Variants in TAFA2 observed in about 807,000 individuals in gnomAD.
TAFA2 encodes the protein TAFA chemokine like family member 2.
Under a neutral mutation model 18.8 loss-of-function variants are expected in TAFA2, and 7 were observed. The ratio of observed to expected loss-of-function variants is 0.37; its 90% CI spans 0.21 to 0.70. The LOEUF is 0.70. Among genes scored for constraint, TAFA2 ranks in the 30% least tolerant of loss-of-function variants. TAFA2 has a pLI of 0.53. For missense variants in TAFA2, 122 were observed against 158.1 expected (o/e 0.77, Z 1.23); for synonymous variants, 60 against 54.2 (o/e 1.11, Z -0.47).
chr12:62,080,818 C>T (rs572591385), intron 1 of TAFA2, among the ~76,000 whole-genome samples: 1 of 152,100 alleles, frequency 6.6e-6, no homozygotes, highest in Non-Finnish European at 1.5e-5. Flanking sequence ...CTGTTAATGT[C>T]CATGAAAAGT....
chr12:61,901,239 G>GT (rs1176664365), intron 1 of TAFA2, among the ~76,000 whole-genome samples: 1 of 144,832 alleles, frequency 6.9e-6, no homozygotes, highest in Non-Finnish European at 1.5e-5. Flanking sequence ...TGCTTTCCAA[G>GT]TTTTAACTCT....
At chr12:62,018,829 C>A (rs1188609522) in intron 1 of TAFA2, among the ~76,000 whole-genome samples, 1 of 152,144 alleles carries the variant, frequency 6.6e-6, no homozygotes, top group Non-Finnish European at 1.5e-5. Context: ...CAAATGGGAT[C>A]TCATTAAACT....
At chr12:61,847,317 T>C (rs1873449030) in intron 2 of TAFA2, among the ~76,000 whole-genome samples, 1 of 152,218 alleles carries the variant, frequency 6.6e-6, no homozygotes, top group Non-Finnish European at 1.5e-5. Context: ...AGCATAATAA[T>C]CTATTCATTT....
At chr12:61,890,868 C>T (rs370344493) in intron 1 of TAFA2, among the ~76,000 whole-genome samples, 6 of 152,098 alleles carry the variant, frequency 3.9e-5, no homozygotes, top group Non-Finnish European at 8.8e-5. Flanking sequence ...TCCTCAACAT[C>T]GTAGCATAAG....
intron 4 of TAFA2, among the ~76,000 whole-genome samples, chr12:61,719,888 T>C (rs527564032): frequency 1.3e-5 from 2 of 152,332 alleles, no homozygotes; most frequent in African/African-American, 4.8e-5. Context: ...TCCATCCCTA[T>C]CATCTTCCAT....
chr12:62,193,632 T>A (rs1190103894), upstream of TAFA2, among the ~76,000 whole-genome samples: 3 of 152,246 alleles, frequency 2.0e-5, no homozygotes, highest in African/African-American at 7.2e-5. Flanking sequence ...TGGTCATTTT[T>A]ATAAAAAATA....
At chr12:62,050,641 A>G (rs1882028790) in intron 1 of TAFA2, among the ~76,000 whole-genome samples, 1 of 152,112 alleles carries the variant, frequency 6.6e-6, no homozygotes, top group Non-Finnish European at 1.5e-5. Flanking sequence ...GGTCATATCT[A>G]TACTTATTAG....
At chr12:62,171,859 T>C (rs1212299448) in intron 1 of TAFA2, among the ~76,000 whole-genome samples, 1 of 152,198 alleles carries the variant, frequency 6.6e-6, no homozygotes, top group Non-Finnish European at 1.5e-5. Flanking sequence ...TTAAAGAACT[T>C]GTTTCCTTCT....
intron 2 of TAFA2, among the ~76,000 whole-genome samples, chr12:61,809,025 T>C (rs927336512): frequency 4.0e-5 from 6 of 151,622 alleles, no homozygotes; most frequent in Non-Finnish European, 7.3e-5. Flanking sequence ...GACTTTTTTT[T>C]CTAAGTCTAG....
At chr12:61,900,544 C>T (rs992408717) in intron 1 of TAFA2, among the ~76,000 whole-genome samples, 1 of 152,144 alleles carries the variant, frequency 6.6e-6, no homozygotes, top group Non-Finnish European at 1.5e-5. Context: ...GAGGGGAAAG[C>T]AAACACGTCC....
At chr12:62,166,347 C>T (rs1188209720) in intron 1 of TAFA2, among the ~76,000 whole-genome samples, 2 of 152,164 alleles carry the variant, frequency 1.3e-5, no homozygotes, top group African/African-American at 4.8e-5. Flanking sequence ...TATGGAGAGA[C>T]ATTTGGCAAA....
chr12:62,177,884 T>C (rs1333312711), intron 1 of TAFA2, among the ~76,000 whole-genome samples: 3 of 151,712 alleles, frequency 2.0e-5, no homozygotes, highest in Non-Finnish European at 4.4e-5. Flanking sequence ...TTGCCAGTTC[T>C]CACCAGAATG....
At chr12:61,835,643 C>G (rs1427747305) in intron 2 of TAFA2, among the ~76,000 whole-genome samples, 1 of 151,800 alleles carries the variant, frequency 6.6e-6, no homozygotes, top group African/African-American at 2.4e-5. Flanking sequence ...GCTATTTTTG[C>G]TTCAATGAAC....
intron 1 of TAFA2, among the ~76,000 whole-genome samples, chr12:62,094,996 T>C (rs1031117593): frequency 1.3e-5 from 2 of 152,088 alleles, no homozygotes; most frequent in African/African-American, 4.8e-5. Context: ...TTCAGTTTTT[T>C]AAATGCTAAG....
chr12:62,158,479 C>T (rs551599179), intron 1 of TAFA2, among the ~76,000 whole-genome samples: 4 of 152,258 alleles, frequency 2.6e-5, no homozygotes, highest in Admixed American at 1.3e-4. Flanking sequence ...TTTATTAGCA[C>T]GTAAGAAGCT....
In TAFA2 at chr12:61,733,052, G is replaced by T. The variant is rs1868250206; in HGVS notation, c.384+20570C>A. On this transcript the variant is annotated intron_variant, in intron 4 of 4. Coordinates refer to ENST00000416284, the MANE Select transcript of TAFA2 (RefSeq NM_178539.5). ...CATGCCATGTCTTGGCTTTTAGGGG[G>T]TTCTGAAAGAAAGAAATAGATAAAA... is the stretch of plus-strand genomic sequence containing the variant. Among the ~76,000 whole-genome samples the T allele has an allele frequency of 5.9e-5, 9 of 151,960 alleles. No individual in the cohort carries two copies. The South Asian group carries it at 1.9e-3, about 31-fold the overall frequency.
chr12:62,075,461 C>T (rs1267621047), intron 1 of TAFA2, among the ~76,000 whole-genome samples: 2 of 152,172 alleles, frequency 1.3e-5, no homozygotes, highest in Non-Finnish European at 2.9e-5. Flanking sequence ...TTCCACCTCT[C>T]TTGCTTGAAT....
chr12:61,855,490 C>T (rs1385900673), intron 2 of TAFA2, among the ~76,000 whole-genome samples: 5 of 151,996 alleles, frequency 3.3e-5, no homozygotes, highest in East Asian at 1.9e-4. Flanking sequence ...TCCAGAACAA[C>T]AGGGGTGGGA....
At chr12:62,090,963 C>T (rs1868686655) in intron 1 of TAFA2, among the ~76,000 whole-genome samples, 1 of 151,934 alleles carries the variant, frequency 6.6e-6, no homozygotes, top group African/African-American at 2.4e-5. Flanking sequence ...ATACTTATGC[C>T]TATTTTCCAT....
Sources: allele counts gnomAD v4.1 joint callset (sites outside exome capture counted in the v4.1 genomes callset), GRCh38; gene constraint gnomAD v4.1.1; transcripts MANE v1.5; gene names NCBI Gene and HGNC (gene_info 2026-07-23, HGNC 2026-07-21).